Variants in CENPP observed in about 807,000 individuals in gnomAD.
CENPP encodes centromere protein P.
CENPP carries 24 observed loss-of-function variants against 35.6 expected under a neutral mutation model. The observed-to-expected ratio is 0.67, with a 90% CI of 0.49 to 0.95. The LOEUF is 0.95. Ranked by LOEUF, CENPP falls within the 40% of genes least tolerant of loss-of-function variation. CENPP has a pLI of 0.00. For missense variants in CENPP, 332 were observed against 345.3 expected (o/e 0.96, Z 0.31); for synonymous variants, 120 against 125.5 (o/e 0.96, Z 0.29).
At chr9:92,425,623 C>T (rs1843945179) in intron 5 of CENPP, among the ~76,000 whole-genome samples, 1 of 152,118 alleles carries the variant, frequency 6.6e-6, no homozygotes, top group African/African-American at 2.4e-5. Flanking sequence ...AAAGTGTTTT[C>T]CATTAGCTTT....
chr9:92,602,947 C>T (rs974146944), intron 5 of CENPP, among the ~76,000 whole-genome samples: 6 of 151,910 alleles, frequency 3.9e-5, no homozygotes, highest in African/African-American at 7.3e-5. Flanking sequence ...GGCGCCACCA[C>T]GCCCAGCTAA....
At chr9:92,567,373 G>GATATATAGAGAT (rs1554688236) in intron 5 of CENPP, among the ~76,000 whole-genome samples, 2 of 129,090 alleles carry the variant, frequency 1.5e-5, no homozygotes, top group Admixed American at 1.6e-4. Context: ...ACATAAGATA[G>GATATATAGAGAT]ATATATATAT....
intron 5 of CENPP, chr9:92,383,927 A>G (rs978891489): frequency 2.0e-5 from 3 of 152,172 alleles, no homozygotes; most frequent in Admixed American, 6.5e-5. Context: ...CAAGATTATG[A>G]TAGTTTAAAG....
chr9:92,428,234 GC>G (rs1480718363), intron 5 of CENPP, among the ~76,000 whole-genome samples: 3 of 152,092 alleles, frequency 2.0e-5, no homozygotes, highest in African/African-American at 7.2e-5. Context: ...TGTAAATGGT[GC>G]CCCCATGCCA....
chr9:92,417,005 A>T (rs777817632), intron 5 of CENPP: 32 of 1,613,886 alleles, frequency 2.0e-5, no homozygotes, highest in Non-Finnish European at 2.5e-5. Context: ...CAAGTTTACT[A>T]GCCCATCCAT....
At chr9:92,356,200 A>G (rs1383206139) in intron 4 of CENPP, among the ~76,000 whole-genome samples, 2 of 152,240 alleles carry the variant, frequency 1.3e-5, no homozygotes, top group Non-Finnish European at 2.9e-5. Context: ...AGCAAAATGA[A>G]GAGTAGAATT....
chr9:92,572,000 T>A (rs935332613), intron 5 of CENPP, among the ~76,000 whole-genome samples: 3 of 151,532 alleles, frequency 2.0e-5, no homozygotes, highest in African/African-American at 7.3e-5. Flanking sequence ...ATGAGATGGG[T>A]CTCCTGAATA....
chr9:92,568,103 A>ATACATGTGCACTAAGG (rs1554688417), intron 5 of CENPP, among the ~76,000 whole-genome samples: 3 of 150,964 alleles, frequency 2.0e-5, no homozygotes. Context: ...AAGTTCTAGG[A>ATACATGTGCACTAAGG]TACATGTGCA....
chr9:92,569,312 T>C (rs1034902896), intron 5 of CENPP, among the ~76,000 whole-genome samples: 3 of 152,234 alleles, frequency 2.0e-5, no homozygotes, highest in African/African-American at 7.2e-5. Context: ...TAGCCAGTTT[T>C]CCCAGCACCG....
At chr9:92,467,644 A>G (rs906399730) in intron 5 of CENPP, among the ~76,000 whole-genome samples, 1 of 152,182 alleles carries the variant, frequency 6.6e-6, no homozygotes, top group African/African-American at 2.4e-5. Context: ...AATATGCCTC[A>G]CTGGTATTAC....
chr9:92,520,085 C>T lies in CENPP; in HGVS notation c.565-91229C>T, dbSNP rs535847576. 1.6e-3 allele frequency among the ~76,000 whole-genome samples: 138 copies of T among 87,820 alleles called. 11 individuals carry two copies. Among genetic ancestry groups the T allele is most frequent in the Non-Finnish European group, 2.1e-3 (94 of 45,148 alleles). The allele number at this position is 87,820 out of a possible 152,430, so 57.6% of individuals were successfully genotyped here. A position where few individuals can be genotyped will look rare whatever the true frequency, so the allele number is the denominator to read the frequency against. On this transcript the variant is annotated intron_variant, in intron 5 of 7. Coordinates refer to ENST00000375587, the MANE Select transcript of CENPP (RefSeq NM_001012267.3). ...TTTCTTGAGGCCAGGAATTTGAGAA[C>T]GGCTTGGACAACATAATGGGATGCT...
chr9:92,551,357 AG>A (rs1849583139), intron 5 of CENPP, among the ~76,000 whole-genome samples: 1 of 151,910 alleles, frequency 6.6e-6, no homozygotes, highest in African/African-American at 2.4e-5. Context: ...TTGTTTTTTG[AG>A]ATAGGGTCTT....
At chr9:92,600,533 C>A (rs745389247) in intron 5 of CENPP, 2 of 1,612,730 alleles carry the variant, frequency 1.2e-6, no homozygotes, top group South Asian at 2.2e-5. Context: ...CTGGGCCACC[C>A]CACTGGGGCT....
At chr9:92,397,583 G>C (rs982494433) in intron 5 of CENPP, among the ~76,000 whole-genome samples, 4 of 152,156 alleles carry the variant, frequency 2.6e-5, no homozygotes, top group Non-Finnish European at 5.9e-5. Context: ...ACCCGCCTTG[G>C]CCTCCCAGAG....
At chr9:92,517,888 A>T in intron 5 of CENPP, 1 of 1,613,232 alleles carries the variant, frequency 6.2e-7, no homozygotes, top group Non-Finnish European at 8.5e-7. Flanking sequence ...AGAAGAAAAC[A>T]AAAGCACAAA....
intron 5 of CENPP, among the ~76,000 whole-genome samples, chr9:92,572,346 G>A (rs1014335077): frequency 6.6e-6 from 1 of 152,132 alleles, no homozygotes; most frequent in Non-Finnish European, 1.5e-5. Flanking sequence ...CTTCACTTAT[G>A]AAGTTTAGTT....
In CENPP at chr9:92,326,057, G is replaced by A; in HGVS notation, c.59G>A (p.Arg20Gln). Residue 20 changes from arginine (R) to glutamine (Q), a missense_variant, in exon 1 of 8, where the codon CGA (arginine) becomes CAA (glutamine). By Grantham distance (43) the Arg-to-Gln change is conservative. Transcript: ENST00000375587. ...ALQAEIAALR[R>Q]ACEDPPAPWE... ...CAAGCTGAGATCGCGGCCCTGCGGC[G>A]AGCGTGTGAGGACCCACCGGCGCCC... 1 of 1,564,748 alleles carries A rather than the reference G, an allele frequency of 6.4e-7. No individual in the cohort carries two copies. Among genetic ancestry groups the A allele is most frequent in the South Asian group, 1.2e-5 (1 of 84,868 alleles).
chr9:92,394,698 G>A (rs1345471646), intron 5 of CENPP, among the ~76,000 whole-genome samples: 2 of 150,760 alleles, frequency 1.3e-5, no homozygotes, highest in Admixed American at 6.6e-5. Flanking sequence ...TCCGCCTCCC[G>A]GGTTCAAGCA....
rs1408614431 is a variant in CENPP at position 92,616,897 on chromosome 9, T to C, written c.*3748T>C. ...TCCTGGGTTCTGGTGTCCCAATGTT[T>C]ACTACGCTTTGAGATTTAGAAATCA... is the stretch of plus-strand genomic sequence containing the variant. On this transcript the variant is annotated 3_prime_UTR_variant, in exon 8 of 8. Coordinates refer to ENST00000375587, the MANE Select transcript of CENPP (RefSeq NM_001012267.3). The C allele has an allele frequency of 6.6e-6, 1 of 152,212 alleles. No individual in the cohort carries two copies. Among genetic ancestry groups the C allele is most frequent in the East Asian group, 1.9e-4 (1 of 5,180 alleles). 9.4% of individuals were successfully genotyped at this position (152,212 alleles called of 1,614,324 possible).
Sources: gnomAD v4.1 joint callset for allele counts (sites outside exome capture counted in the v4.1 genomes callset) on GRCh38, gnomAD v4.1.1 for gene constraint, MANE v1.5 for transcripts, NCBI Gene and HGNC (gene_info 2026-07-23, HGNC 2026-07-21) for gene names.